RTCA: variants seen among roughly 807,000 people sequenced by gnomAD.
The protein encoded by RTCA is RNA 3'-terminal phosphate cyclase.
A neutral mutation model predicts 46.1 loss-of-function variants in RTCA; 37 were observed. The observed-to-expected ratio is 0.80, with a 90% CI of 0.62 to 1.06. The LOEUF (loss-of-function observed/expected upper bound fraction) is 1.06, where lower values mean the gene tolerates loss of function less well. Among genes scored for constraint, RTCA ranks in the 50% least tolerant of loss-of-function variants. RTCA has a pLI of 0.00. For synonymous variants in RTCA, 164 were observed against 158.3 expected, an observed-to-expected ratio of 1.04 and a Z score of -0.27; for missense variants, 435 against 455.5, an observed-to-expected ratio of 0.95 and a Z score of 0.41.
chr1:100,270,318 G>A (rs1403767716), intron 3 of RTCA, among the ~76,000 whole-genome samples: 1 of 152,120 alleles, frequency 6.6e-6, no homozygotes, highest in African/African-American at 2.4e-5. Context: ...TCAGACCCAG[G>A]TTTGGTTATC....
At chr1:100,271,079 T>C (rs925744959) in intron 4 of RTCA, among the ~76,000 whole-genome samples, 6 of 148,884 alleles carry the variant, frequency 4.0e-5, no homozygotes, top group African/African-American at 1.2e-4. Flanking sequence ...CAGTAGGGGG[T>C]GGGGAATTAT....
At chr1:100,268,125 G>A (rs760341697) in intron 2 of RTCA, 27 bp from the exon 3 acceptor site, 8 of 1,611,826 alleles carry the variant, frequency 5.0e-6, no homozygotes, top group Middle Eastern at 1.7e-4. Context: ...GAATGCACAC[G>A]TTTTGATGCA....
chr1:100,281,160 C>A (rs1050054264), intron 8 of RTCA: 5 of 523,754 alleles, frequency 9.5e-6, no homozygotes, highest in Admixed American at 4.0e-5. Context: ...GTTACTATAA[C>A]CATTTTGATC....
rs757811020 is a variant in RTCA, at chr1:100,285,253, T to C, written c.825T>C (p.Ile275=). ...GTGTAAATGCAGACAAAGTTGGAAT[T>C]GAAGCTGCCGAAATGCTATTAGCAA... ...KRGVNADKVG[I]EAAEMLLANL... The change falls in exon 9 of 11, where the codon ATT becomes ATC. Residue 275 remains isoleucine, a synonymous_variant. Coordinates refer to ENST00000370128, the MANE Select transcript of RTCA (RefSeq NM_003729.4). The C allele has an allele frequency of 6.2e-7, 1 of 1,613,566 alleles. No homozygotes were observed. Among genetic ancestry groups the C allele is most frequent in the Non-Finnish European group, 8.5e-7 (1 of 1,179,744 alleles).
At chr1:100,278,656 C>CT (rs1666530682) in intron 8 of RTCA, among the ~76,000 whole-genome samples, 1 of 152,164 alleles carries the variant, frequency 6.6e-6, no homozygotes, top group Non-Finnish European at 1.5e-5. Context: ...TGTTAAGCCA[C>CT]ACTATTACTA....
intron 3 of RTCA, among the ~76,000 whole-genome samples, chr1:100,269,195 C>G (rs751329323): frequency 6.6e-6 from 1 of 151,466 alleles, no homozygotes; most frequent in Non-Finnish European, 1.5e-5. Flanking sequence ...GAGCCCCTGT[C>G]TCAAAAAAAG....
intron 2 of RTCA, 194 bp from the exon 3 acceptor site, chr1:100,267,958 T>C (rs2100787539): frequency 1.6e-6 from 1 of 636,262 alleles, no homozygotes; most frequent in Non-Finnish European, 2.7e-6. Flanking sequence ...TGCAAGGAAG[T>C]GTTAAAATGA....
rs1666205744 is a variant in RTCA, at chr1:100,273,382, T to A, written c.415-12T>A. The A allele has an allele frequency of 6.5e-7, 1 of 1,549,482 alleles. No homozygotes were observed. Among genetic ancestry groups the A allele is most frequent in the Non-Finnish European group, 8.8e-7 (1 of 1,135,210 alleles). On this transcript the variant is annotated splice_polypyrimidine_tract_variant and intron_variant, in intron 4 of 10. Transcript: ENST00000370128. The stretch of plus-strand genomic sequence containing the variant: ...TGCTGATTAACCTAATGATAAAAAC[T>A]GATTTTTTCAGGTCTTCAAGCCAAT...
Position 100,285,276 on chromosome 1 carries a change from C to T in RTCA, c.848C>T (p.Ala283Val), listed in dbSNP as rs1414653200. ...ATTGAAGCTGCCGAAATGCTATTAG[C>T]AAATCTTAGACATGGTGGTACTGTG... Reference protein sequence around the residue: ...VGIEAAEMLLANLRHGGTVDE... With the variant: ...VGIEAAEMLLVNLRHGGTVDE... The change falls in exon 9 of 11, where the codon GCA becomes GTA. Residue 283 changes from alanine to valine, a missense_variant. Coordinates refer to ENST00000370128, the MANE Select transcript of RTCA (RefSeq NM_003729.4). The T allele has an allele frequency of 6.8e-6, 11 of 1,613,612 alleles. No individual in the cohort carries two copies. Among genetic ancestry groups the T allele is most frequent in the African/African-American group, 1.3e-5 (1 of 74,892 alleles).
chr1:100,282,588 A>G (rs1179338824), intron 8 of RTCA, among the ~76,000 whole-genome samples: 6 of 152,198 alleles, frequency 3.9e-5, no homozygotes, highest in African/African-American at 9.7e-5. Flanking sequence ...GGTTTCTATT[A>G]CTTAGCATGG....
At chr1:100,277,225 G>T in intron 7 of RTCA, 33 bp from the exon 8 acceptor site, 1 of 1,591,850 alleles carries the variant, frequency 6.3e-7, no homozygotes, top group Non-Finnish European at 8.6e-7. Flanking sequence ...AACATTTATA[G>T]CAAAGGTAGT....
chr1:100,290,715 G>T lies in RTCA; in HGVS notation c.1000-688G>T, dbSNP rs181214647. Among the ~76,000 whole-genome samples the T allele has an allele frequency of 8.9e-3, 1,350 of 152,294 alleles. 9 individuals carry two copies. Among genetic ancestry groups the T allele is most frequent in the Non-Finnish European group, 0.014 (983 of 68,024 alleles). ...CAGGAAGTTGAGGCTGCAGTGAGCCGTGTTCATGCCACTGCACTGCAGCCT... is the reference window on the plus strand; with the variant it reads ...CAGGAAGTTGAGGCTGCAGTGAGCCTTGTTCATGCCACTGCACTGCAGCCT... On this transcript the variant is annotated intron_variant, in intron 10 of 10. Transcript: ENST00000370128.
chr1:100,285,107 G>GT, intron 8 of RTCA, 121 bp from the exon 9 acceptor site: 1 of 693,296 alleles, frequency 1.4e-6, no homozygotes. Context: ...CATTGAGTGG[G>GT]TTTTTGAGGC....
chr1:100,273,442 A>G lies in RTCA; in HGVS notation c.463A>G (p.Ile155Val). 6.3e-7 allele frequency: 1 copy of G among 1,578,576 alleles called. No individual in the cohort carries two copies. The highest frequency in any genetic ancestry group is 8.6e-7 in the Non-Finnish European group (1 of 1,159,644). The stretch of plus-strand genomic sequence containing the variant: ...ATTTGGTTTCATATTTAATTGTGAC[A>G]TTAAAACAAGGTAAGTTGCTTGTTT... ...EKFGFIFNCDIKTRGYYPKGG... is the reference protein window; with the variant it reads ...EKFGFIFNCDVKTRGYYPKGG... The change falls in exon 5 of 11, where the codon ATT becomes GTT. Residue 155 changes from isoleucine (I) to valine (V), a missense_variant. Transcript: ENST00000370128.
At chr1:100,288,964 A>G (rs1265920585) in intron 10 of RTCA, among the ~76,000 whole-genome samples, 2 of 152,122 alleles carry the variant, frequency 1.3e-5, no homozygotes, top group South Asian at 2.1e-4. Flanking sequence ...CTGGGATTAC[A>G]GGCGTGTGCC....
chr1:100,270,628 T>A lies in RTCA; in HGVS notation c.362T>A (p.Leu121Ter). The A allele has an allele frequency of 5.0e-6, 8 of 1,614,172 alleles. No individual in the cohort carries two copies. The highest frequency in any genetic ancestry group is 6.8e-6 in the Non-Finnish European group (8 of 1,180,002). The change falls in exon 4 of 11, where the codon TTG (leucine) becomes TAG (stop). Residue 121 changes from leucine (L) to a stop codon, truncating the protein, a stop_gained. Transcript: ENST00000370128. LOFTEE classifies it high-confidence loss of function. The part of the protein sequence containing the change: ...LFAASPSELH[L>*]KGGTNAEMAP... ...GCTGCTTCTCCATCAGAACTTCATT[T>A]GAAAGGTGGAACTAATGCTGAAATG...
At chr1:100,270,722 A>T (rs1403379335) in intron 4 of RTCA, 42 bp downstream of exon 4, 2 of 1,603,432 alleles carry the variant, frequency 1.2e-6, no homozygotes, top group Non-Finnish European at 1.7e-6. Context: ...GATCTCATAC[A>T]TGCTTCTGAG....
At chr1:100,277,435 C>G (rs374330518) in intron 8 of RTCA, 119 bp downstream of exon 8, 8 of 920,788 alleles carry the variant, frequency 8.7e-6, no homozygotes, top group Non-Finnish European at 9.8e-6. Context: ...TTAATTGATT[C>G]TCTTTTAGAG....
intron 5 of RTCA, among the ~76,000 whole-genome samples, chr1:100,274,282 G>A (rs1454702426): frequency 3.9e-5 from 6 of 152,108 alleles, no homozygotes; most frequent in African/African-American, 1.4e-4. Flanking sequence ...CTCACCGTCT[G>A]CTGTAAAATA....
Sources: gnomAD v4.1 joint callset for allele counts (sites outside exome capture counted in the v4.1 genomes callset) on GRCh38, gnomAD v4.1.1 for gene constraint, MANE v1.5 for transcripts, NCBI Gene and HGNC (gene_info 2026-07-23, HGNC 2026-07-21) for gene names.